AUTS2: variants seen among roughly 807,000 people sequenced by gnomAD.
The protein encoded by AUTS2 is autism susceptibility gene 2 protein.
In AUTS2, 17 loss-of-function variants were observed where a neutral mutation model predicts 112.4. That is an observed-to-expected ratio of 0.15 (90% CI 0.10 to 0.23). AUTS2 has a LOEUF of 0.23. Among genes scored for constraint, AUTS2 ranks in the 10% least tolerant of loss-of-function variants. AUTS2 has a pLI of 1.00. For missense variants in AUTS2, 1,510 were observed against 1,701.6 expected, an observed-to-expected ratio of 0.89 and a Z score of 1.98; for synonymous variants, 751 against 702.7, an observed-to-expected ratio of 1.07 and a Z score of -1.09.
intron 4 of AUTS2, among the ~76,000 whole-genome samples, chr7:70,336,508 CT>C (rs1236324930): frequency 6.6e-6 from 1 of 152,100 alleles, no homozygotes; most frequent in African/African-American, 2.4e-5. Flanking sequence ...AAGCTGATGC[CT>C]GTATACCTTG....
At chr7:69,670,595 G>T (rs1265517416) in intron 1 of AUTS2, among the ~76,000 whole-genome samples, 1 of 126,462 alleles carries the variant, frequency 7.9e-6, no homozygotes, top group African/African-American at 3.2e-5. Context: ...AAAAAAAGCA[G>T]CTGGGTACCG....
intron 4 of AUTS2, among the ~76,000 whole-genome samples, chr7:70,378,640 C>T (rs927305591): frequency 4.6e-5 from 7 of 152,156 alleles, no homozygotes; most frequent in African/African-American, 1.7e-4. Context: ...CTTCAGAGAC[C>T]ATGTTTGTAG....
At chr7:70,005,186 C>T (rs1283514812) in intron 2 of AUTS2, among the ~76,000 whole-genome samples, 1 of 152,056 alleles carries the variant, frequency 6.6e-6, no homozygotes, top group East Asian at 1.9e-4. Flanking sequence ...GCACATCCAG[C>T]TGCTGAACCT....
At chr7:70,196,590 G>T (rs185333772) in intron 4 of AUTS2, among the ~76,000 whole-genome samples, 1 of 152,162 alleles carries the variant, frequency 6.6e-6, no homozygotes, top group Non-Finnish European at 1.5e-5. Context: ...ACTCAGATTT[G>T]ATCAGTAATG....
At chr7:69,907,601 GA>G (rs1795198104) in intron 2 of AUTS2, among the ~76,000 whole-genome samples, 1 of 152,176 alleles carries the variant, frequency 6.6e-6, no homozygotes, top group Non-Finnish European at 1.5e-5. Context: ...ATAATTACAA[GA>G]CAAAGAGCCT....
chr7:70,423,915 A>G (rs1463775338), intron 4 of AUTS2, among the ~76,000 whole-genome samples: 3 of 152,076 alleles, frequency 2.0e-5, no homozygotes, highest in Non-Finnish European at 2.9e-5. Context: ...CAAAAATTCA[A>G]CCCAACATTT....
rs4717526 is a variant in AUTS2 at position 69,984,601 on chromosome 7, C to G, written c.522+85103C>G. On this transcript the variant is annotated intron_variant, in intron 2 of 18. Transcript: ENST00000342771. ...GAAATGTTTGTTTCACGTTACTTAT[C>G]TTTGTTTGTCAATGAGGTCAGACAC... Among the ~76,000 whole-genome samples, 819 of 152,032 alleles carry G rather than the reference C, an allele frequency of 5.4e-3. 12 individuals carry two copies. Among genetic ancestry groups the G allele is most frequent in the Admixed American group, 0.028 (429 of 15,282 alleles).
At chr7:69,876,482 GTGTATATA>G (rs1793789922) in intron 1 of AUTS2, among the ~76,000 whole-genome samples, 1 of 37,956 alleles carries the variant, frequency 2.6e-5, no homozygotes, top group African/African-American at 1.4e-4. Flanking sequence ...AAAATATTTT[GTGTATATA>G]TATATATATA....
intron 4 of AUTS2, among the ~76,000 whole-genome samples, chr7:70,245,170 A>ATATATATATAT (rs57817453): frequency 2.2e-4 from 30 of 133,750 alleles, no homozygotes; most frequent in African/African-American, 7.7e-4. Flanking sequence ...ATATATATAT[A>ATATATATATAT]AAAAATAAAA....
At chr7:70,747,720 A>T (rs1788544819) in intron 6 of AUTS2, among the ~76,000 whole-genome samples, 1 of 151,930 alleles carries the variant, frequency 6.6e-6, no homozygotes, top group Non-Finnish European at 1.5e-5. Context: ...TCTTGACCTC[A>T]GGTGATCCGC....
intron 5 of AUTS2, among the ~76,000 whole-genome samples, chr7:70,561,544 T>G (rs1369328673): frequency 6.6e-6 from 1 of 152,164 alleles, no homozygotes; most frequent in Non-Finnish European, 1.5e-5. Context: ...AAGGATTGCT[T>G]GAGCCCAGGA....
intron 1 of AUTS2, among the ~76,000 whole-genome samples, chr7:69,875,875 T>C (rs1012055174): frequency 1.3e-5 from 2 of 152,138 alleles, no homozygotes; most frequent in African/African-American, 2.4e-5. Context: ...AATATTCTTA[T>C]AGTAGCGTCT....
At chr7:70,604,202 A>G (rs1803615139) in intron 5 of AUTS2, among the ~76,000 whole-genome samples, 1 of 152,170 alleles carries the variant, frequency 6.6e-6, no homozygotes. Context: ...GTTATCACTT[A>G]CCTTTTTATA....
chr7:70,087,839 G>T (rs1228088466), intron 2 of AUTS2, among the ~76,000 whole-genome samples: 1 of 152,060 alleles, frequency 6.6e-6, no homozygotes, highest in East Asian at 1.9e-4. Context: ...AAGCCCTTGG[G>T]CCTGGAGTTT....
chr7:70,415,624 C>A (rs760217562), intron 4 of AUTS2, among the ~76,000 whole-genome samples: 1 of 152,140 alleles, frequency 6.6e-6, no homozygotes, highest in East Asian at 1.9e-4. Context: ...AAGTGGCTAC[C>A]GTAAGTGGCC....
intron 4 of AUTS2, among the ~76,000 whole-genome samples, chr7:70,402,986 G>A (rs1794388666): frequency 6.6e-6 from 1 of 152,160 alleles, no homozygotes; most frequent in Admixed American, 6.5e-5. Flanking sequence ...TTAAAATAAT[G>A]TTATAGCTGG....
intron 5 of AUTS2, among the ~76,000 whole-genome samples, chr7:70,484,831 TAGAC>T (rs1481615358): frequency 2.0e-5 from 3 of 152,162 alleles, no homozygotes; most frequent in African/African-American, 4.8e-5. Flanking sequence ...CCTCTGGACA[TAGAC>T]AGTTCTCAAA....
intron 5 of AUTS2, among the ~76,000 whole-genome samples, chr7:70,690,416 C>A (rs1808696798): frequency 6.6e-6 from 1 of 152,136 alleles, no homozygotes; most frequent in African/African-American, 2.4e-5. Context: ...ACGAAAGGTT[C>A]GAGGAAATTC....
chr7:70,119,593 G>C (rs1042791241), intron 3 of AUTS2: 1 of 151,734 alleles, frequency 6.6e-6, no homozygotes, highest in African/African-American at 2.4e-5. Context: ...TTGAACTCCT[G>C]ACTTCGTGAT....
Sources: allele counts gnomAD v4.1 joint callset (sites outside exome capture counted in the v4.1 genomes callset), GRCh38; gene constraint gnomAD v4.1.1; transcripts MANE v1.5; gene names NCBI Gene and HGNC (gene_info 2026-07-23, HGNC 2026-07-21).